The following VMA12 variants were observed in gnomAD, a reference collection of about 807,000 sequenced individuals.
VMA12 encodes vacuolar ATPase assembly factor VMA12, also known as vacuolar ATPase assembly protein VMA12.
At chr17:28,360,389 G>A in the VMA12 span, 7 of 775,452 alleles carry the variant, frequency 9.0e-6, no homozygotes, top group Middle Eastern at 3.5e-4. Context: ...CCAGAAAAGA[G>A]TCAAAATGGT....
chr17:28,360,609 C>T, the VMA12 span: 1 of 1,613,470 alleles, frequency 6.2e-7, no homozygotes, highest in South Asian at 1.1e-5. Flanking sequence ...AAACCTTTTC[C>T]TGAGATGGGT....
At chr17:28,358,478 C>A in the VMA12 span, 3 of 472,564 alleles carry the variant, frequency 6.3e-6, no homozygotes, top group Middle Eastern at 3.2e-4. Context: ...GGTATTTTGC[C>A]AGAAGTAACA....
At chr17:28,361,780 G>C in the VMA12 span, 1 of 154,276 alleles carries the variant, frequency 6.5e-6, no homozygotes, top group Admixed American at 6.4e-5. Context: ...GAGAAAGATG[G>C]GTTGCTAGAG....
chr17:28,360,811 C>A, the VMA12 span: 3 of 1,614,006 alleles, frequency 1.9e-6, no homozygotes, highest in Non-Finnish European at 1.7e-6. Context: ...TCTGCACTTA[C>A]CTTGGAAGCC....
the VMA12 span, chr17:28,361,857 A>G: frequency 6.5e-6 from 1 of 154,058 alleles, no homozygotes; most frequent in Admixed American, 6.4e-5. Flanking sequence ...CCCCTTTTCC[A>G]GAAGATAAGA....
chr17:28,361,510 G>C, the VMA12 span: 1 of 455,392 alleles, frequency 2.2e-6, no homozygotes, highest in Non-Finnish European at 4.0e-6. Context: ...TCCTGAATCT[G>C]GTACCCATCT....
At chr17:28,357,813 C>G in the VMA12 span, 3 of 1,613,954 alleles carry the variant, frequency 1.9e-6, no homozygotes, top group Non-Finnish European at 2.5e-6. Flanking sequence ...GGTGATAGCT[C>G]CAGTGGCCCC....
the VMA12 span, chr17:28,359,102 G>A: frequency 9.2e-7 from 1 of 1,084,094 alleles, no homozygotes; most frequent in East Asian, 2.5e-5. Context: ...TGAAATCTTT[G>A]GGATCTGGGG....
the VMA12 span, chr17:28,357,654 C>G: frequency 6.2e-7 from 1 of 1,610,504 alleles, no homozygotes; most frequent in Non-Finnish European, 8.5e-7. Flanking sequence ...GTCACCTGAC[C>G]GGAGAGCCGG....
chr17:28,362,535 A>G, the VMA12 span: 1 of 152,194 alleles, frequency 6.6e-6, no homozygotes. Flanking sequence ...GTGGTGGTAC[A>G]TGCCTGTAAT....
At chr17:28,359,278 G>A in the VMA12 span, 2 of 1,606,308 alleles carry the variant, frequency 1.2e-6, no homozygotes, top group East Asian at 2.2e-5. Context: ...TAACAAGCTG[G>A]GAATATCATT....
chr17:28,362,245 G>A, the VMA12 span: 2 of 151,698 alleles, frequency 1.3e-5, no homozygotes, highest in African/African-American at 2.4e-5. Context: ...TCACTCAGTG[G>A]ACACTTCCTC....
the VMA12 span, chr17:28,362,050 T>A: frequency 6.6e-6 from 1 of 152,224 alleles, no homozygotes; most frequent in African/African-American, 2.4e-5. Flanking sequence ...CCAATAAATA[T>A]TTATTGTATG....
the VMA12 span, chr17:28,358,329 G>A: frequency 8.9e-6 from 4 of 447,584 alleles, no homozygotes; most frequent in Non-Finnish European, 1.9e-5. Context: ...CAAAAGCTGT[G>A]TTGAAAGATC....
chr17:28,357,662 C>A, the VMA12 span: 1 of 1,611,182 alleles, frequency 6.2e-7, no homozygotes, highest in Non-Finnish European at 8.5e-7. Context: ...ACCGGAGAGC[C>A]GGCTAGATAT....
the VMA12 span, chr17:28,359,321 G>T: frequency 6.2e-7 from 1 of 1,614,064 alleles, no homozygotes; most frequent in South Asian, 1.1e-5. Context: ...TCAGAACCCA[G>T]AACTAGTTGC....
chr17:28,361,113 G>T, the VMA12 span: 1 of 1,584,578 alleles, frequency 6.3e-7, no homozygotes, highest in Non-Finnish European at 8.7e-7. Flanking sequence ...TACAGAGCTG[G>T]TTGTTGGCCT....
the VMA12 span, chr17:28,360,658 G>T: frequency 6.2e-7 from 1 of 1,604,458 alleles, no homozygotes; most frequent in Non-Finnish European, 8.5e-7. Context: ...AAACCCAGTT[G>T]GTGGGGGAGC....
the VMA12 span, chr17:28,358,111 A>C: frequency 5.3e-6 from 3 of 565,110 alleles, no homozygotes; most frequent in African/African-American, 5.6e-5. Flanking sequence ...CTTCACTTCC[A>C]GGCACACCTA....
Sources: gnomAD v4.1 joint callset for allele counts on GRCh38, gnomAD v4.1.1 for gene constraint, MANE v1.5 for transcripts, NCBI Gene and HGNC (gene_info 2026-07-23, HGNC 2026-07-21) for gene names.